Variants in RPS6KA6 observed in about 807,000 individuals in gnomAD.
The protein encoded by RPS6KA6 is ribosomal protein S6 kinase A6, also known as ribosomal protein S6 kinase alpha-6.
A neutral mutation model predicts 65.4 loss-of-function variants in RPS6KA6; 27 were observed. That is an observed-to-expected ratio of 0.41 (90% CI 0.30 to 0.57). The LOEUF (loss-of-function observed/expected upper bound fraction) is 0.57, where lower values mean the gene tolerates loss of function less well. RPS6KA6 is among the 20% of genes least tolerant of loss of function. The pLI is 0.24. For synonymous variants in RPS6KA6, 190 were observed against 184.2 expected (o/e 1.03, Z -0.26); for missense variants, 486 against 555.6 (o/e 0.87, Z 1.26).
Position 84,112,041 on chromosome X carries a change from T to C in RPS6KA6, c.1008+4188A>G, listed in dbSNP as rs1157165787. ...CAAAGCCGAAGTAGCCATTCTCATA[T>C]CAGATAAAACAGACTTTAAACCAGC... On this transcript the variant is annotated intron_variant, in intron 12 of 21. Transcript: ENST00000262752. 4.5e-5 allele frequency among the ~76,000 whole-genome samples: 5 copies of C among 111,598 alleles called. No individual in the cohort carries two copies. In the East Asian group the frequency reaches 1.1e-3, roughly 25 times the overall value.
intron 1 of RPS6KA6, among the ~76,000 whole-genome samples, chrX:84,176,886 T>G (rs1244847453): frequency 1.8e-5 from 2 of 112,183 alleles, no homozygotes; most frequent in African/African-American, 6.5e-5. Context: ...TTACACAACC[T>G]TAGCTTGAGG....
At chrX:84,146,656 C>T (rs889969798) in intron 5 of RPS6KA6, among the ~76,000 whole-genome samples, 33 of 111,529 alleles carry the variant, frequency 3.0e-4, no homozygotes, top group African/African-American at 9.1e-4. Flanking sequence ...GAATGTTTTA[C>T]GTAAATTATC....
intron 20 of RPS6KA6, among the ~76,000 whole-genome samples, chrX:84,085,796 T>A (rs1004439503): frequency 8.9e-6 from 1 of 111,980 alleles, no homozygotes; most frequent in Non-Finnish European, 1.9e-5. Flanking sequence ...CAGCTGTGAA[T>A]CCATCTGGTC....
At chrX:84,082,069 C>T (rs1193993357) in intron 20 of RPS6KA6, among the ~76,000 whole-genome samples, 1 of 111,864 alleles carries the variant, frequency 8.9e-6, no homozygotes, top group Non-Finnish European at 1.9e-5. Flanking sequence ...CACTCCTATT[C>T]AACACAGTAT....
intron 12 of RPS6KA6, among the ~76,000 whole-genome samples, chrX:84,109,659 C>A (rs2034431690): frequency 9.0e-6 from 1 of 110,881 alleles, no homozygotes; most frequent in South Asian, 4.0e-4. Flanking sequence ...TCCACAGGCA[C>A]ATGATGTACC....
At chrX:84,141,802 G>A (rs920308208) in intron 6 of RPS6KA6, among the ~76,000 whole-genome samples, 1 of 111,487 alleles carries the variant, frequency 9.0e-6, no homozygotes, top group African/African-American at 3.2e-5. Context: ...TAACGATGAA[G>A]GGGTCTATTC....
rs1158310804 is a variant in RPS6KA6 at position 84,093,939 on chromosome X, G to C, written c.1971+2255C>G. On this transcript the variant is annotated intron_variant, in intron 20 of 21. Transcript: ENST00000262752. The stretch of plus-strand genomic sequence containing the variant: ...ACAATGTGGCTTTTTGGTATGACTT[G>C]TTGTATTGCTTGCCCTTTCAGCACA... Among the ~76,000 whole-genome samples the C allele has an allele frequency of 4.5e-5, 5 of 111,211 alleles. No individual in the cohort carries two copies. The East Asian group carries it at 1.1e-3, about 25-fold the overall frequency.
chrX:84,083,395 A>G (rs746068276), intron 20 of RPS6KA6, among the ~76,000 whole-genome samples: 1 of 112,387 alleles, frequency 8.9e-6, no homozygotes, highest in African/African-American at 3.2e-5. Context: ...CCTGATCCCC[A>G]TAACAGGGCC....
rs187893752 is a variant in RPS6KA6, at chrX:84,078,814, G to A, written c.1972-13703C>T. 4.3e-3 allele frequency among the ~76,000 whole-genome samples: 479 copies of A among 111,119 alleles called. 1 individual carries two copies. Among genetic ancestry groups the A allele is most frequent in the African/African-American group, 0.015 (461 of 30,569 alleles). On this transcript the variant is annotated intron_variant, in intron 20 of 21. Transcript: ENST00000262752. ...TTGAAGATATAGGGCAGGAGGGAGG[G>A]AATTACAAAACAGCATGAGGAAATG... is the stretch of plus-strand genomic sequence containing the variant.
At chrX:84,068,330 C>T (rs1244287260) in intron 20 of RPS6KA6, among the ~76,000 whole-genome samples, 3 of 111,940 alleles carry the variant, frequency 2.7e-5, no homozygotes, top group Admixed American at 9.4e-5. Flanking sequence ...ACAAAAACCA[C>T]GATTATCTCA....
In RPS6KA6 at chrX:84,135,217, C is replaced by T. The variant is rs1440458710; in HGVS notation, c.502-7G>A. The T allele has an allele frequency of 9.1e-7, 1 of 1,096,661 alleles. No individual in the cohort carries two copies. Among genetic ancestry groups the T allele is most frequent in the Admixed American group, 2.3e-5 (1 of 43,525 alleles). The allele number at this position is 1,096,661 out of a possible 1,213,427, so 90.4% of individuals were successfully genotyped here. A position where few individuals can be genotyped will look rare whatever the true frequency, so the allele number is the denominator to read the frequency against. ...CTTCCTCTGTAAACAGAACCTAGAA[C>T]AAAATAATGATTTATCATTTGATCT... On this transcript the variant is annotated splice_region_variant and splice_polypyrimidine_tract_variant and intron_variant, in intron 6 of 21. Transcript: ENST00000262752.
At chrX:84,076,725 A>T (rs1427357725) in intron 20 of RPS6KA6, among the ~76,000 whole-genome samples, 7 of 111,694 alleles carry the variant, frequency 6.3e-5, no homozygotes, top group Non-Finnish European at 1.3e-4. Flanking sequence ...TACACTCAAG[A>T]TCAGGAACAA....
intron 1 of RPS6KA6, among the ~76,000 whole-genome samples, chrX:84,167,394 C>T (rs1338810659): frequency 3.6e-5 from 4 of 111,694 alleles, no homozygotes; most frequent in South Asian, 7.4e-4. Context: ...GTAACAACAT[C>T]GATGAATCTT....
intron 12 of RPS6KA6, among the ~76,000 whole-genome samples, chrX:84,112,360 A>G (rs988279237): frequency 1.8e-5 from 2 of 112,095 alleles, no homozygotes; most frequent in African/African-American, 3.2e-5. Context: ...CAACAACTAC[A>G]GCATATACAT....
intron 20 of RPS6KA6, among the ~76,000 whole-genome samples, chrX:84,089,293 C>T (rs1173889606): frequency 1.8e-5 from 2 of 112,013 alleles, no homozygotes; most frequent in African/African-American, 6.5e-5. Flanking sequence ...ACCCCTCCCC[C>T]TGGAACTTGG....
intron 20 of RPS6KA6, among the ~76,000 whole-genome samples, chrX:84,065,715 G>T (rs1383938107): frequency 9.1e-6 from 1 of 109,538 alleles, no homozygotes; most frequent in Non-Finnish European, 1.9e-5. Context: ...AACCTCACAG[G>T]AAAAGTTTTC....
At chrX:84,094,029 C>T (rs1213387122) in intron 20 of RPS6KA6, among the ~76,000 whole-genome samples, 2 of 108,394 alleles carry the variant, frequency 1.8e-5, no homozygotes, top group South Asian at 4.0e-4. Flanking sequence ...TCACCATCAG[C>T]GTTTTCTTTT....
intron 20 of RPS6KA6, among the ~76,000 whole-genome samples, chrX:84,094,737 T>TTAACGGAGA (rs1473424060): frequency 1.8e-5 from 2 of 111,783 alleles, no homozygotes; most frequent in African/African-American, 6.5e-5. Flanking sequence ...CTTGGAAATG[T>TTAACGGAGA]TAACGGAGAT....
chrX:84,065,134 G>C (rs757071523), intron 20 of RPS6KA6, 23 bp from the exon 21 acceptor site: 1 of 1,055,315 alleles, frequency 9.5e-7, no homozygotes, highest in African/African-American at 1.9e-5. Context: ...AAATGTGTGT[G>C]TATATATATA....
Sources: allele counts gnomAD v4.1 joint callset (sites outside exome capture counted in the v4.1 genomes callset), GRCh38; gene constraint gnomAD v4.1.1; transcripts MANE v1.5; gene names NCBI Gene and HGNC (gene_info 2026-07-23, HGNC 2026-07-21).